Variants in CATSPERE observed in about 807,000 individuals in gnomAD.
CATSPERE encodes the protein catsper channel auxiliary subunit epsilon.
CATSPERE carries 93 observed loss-of-function variants against 114.1 expected under a neutral mutation model. The ratio of observed to expected loss-of-function variants is 0.81; its 90% confidence interval spans 0.69 to 0.97. CATSPERE has a LOEUF of 0.97. Ranked by LOEUF, CATSPERE falls within the 50% of genes least tolerant of loss-of-function variation. The pLI, the probability that CATSPERE is intolerant of heterozygous loss-of-function variation, is 0.00. For missense variants in CATSPERE, 1,058 were observed against 1,131.6 expected (o/e 0.93, Z 0.93); for synonymous variants, 341 against 384.1 (o/e 0.89, Z 1.31).
chr1:244,598,518 C>G, intron 17 of CATSPERE: 1 of 200,408 alleles, frequency 5.0e-6, no homozygotes, highest in Non-Finnish European at 1.1e-5. Flanking sequence ...GTAGATGATG[C>G]ATTTGTTCTT....
chr1:244,489,803 C>T (rs1329525505), intron 5 of CATSPERE, among the ~76,000 whole-genome samples: 1 of 151,702 alleles, frequency 6.6e-6, no homozygotes, highest in Non-Finnish European at 1.5e-5. Flanking sequence ...TAAGATTAGC[C>T]TTTGGAATTC....
At chr1:244,495,567 A>G (rs1021260150) in intron 6 of CATSPERE, among the ~76,000 whole-genome samples, 2 of 152,110 alleles carry the variant, frequency 1.3e-5, no homozygotes, top group Admixed American at 1.3e-4. Flanking sequence ...CTAAAGATAC[A>G]AAAATTATTT....
intron 20 of CATSPERE, among the ~76,000 whole-genome samples, chr1:244,621,973 C>T (rs1237177642): frequency 2.0e-5 from 3 of 152,196 alleles, no homozygotes; most frequent in Non-Finnish European, 4.4e-5. Context: ...GTGTCATTAA[C>T]CGTAAATAAT....
At chr1:244,516,009 C>T (rs1676547323) in intron 7 of CATSPERE, among the ~76,000 whole-genome samples, 1 of 151,582 alleles carries the variant, frequency 6.6e-6, no homozygotes, top group African/African-American at 2.4e-5. Flanking sequence ...GTCTGGGCAA[C>T]ATAGCAAAAC....
At chr1:244,483,377 A>G (rs532922650) in intron 5 of CATSPERE, among the ~76,000 whole-genome samples, 40 of 152,350 alleles carry the variant, frequency 2.6e-4, no homozygotes, top group African/African-American at 9.6e-4. Flanking sequence ...TAGGATGTGC[A>G]TTTGTTCAAC....
intron 8 of CATSPERE, 30 bp from the exon 9 acceptor site, chr1:244,552,292 C>T (rs1381814108): frequency 1.9e-6 from 3 of 1,562,034 alleles, no homozygotes; most frequent in South Asian, 1.3e-5. Flanking sequence ...AGAGAGAGAT[C>T]ATTTTATTCT....
intron 20 of CATSPERE, among the ~76,000 whole-genome samples, chr1:244,621,049 TAAATATATATAAATATA>T (rs1672064756): frequency 3.0e-5 from 2 of 65,862 alleles, no homozygotes; most frequent in Non-Finnish European, 5.1e-5. Flanking sequence ...AATATATATA[TAAATATATATAAATATA>T]TATAAAATAT....
At chr1:244,631,167 A>G (rs931795999) in intron 20 of CATSPERE, among the ~76,000 whole-genome samples, 6 of 152,174 alleles carry the variant, frequency 3.9e-5, no homozygotes, top group Non-Finnish European at 7.3e-5. Flanking sequence ...ACACCTCAGT[A>G]AAAGTAATAT....
At chr1:244,635,627 G>C in intron 21 of CATSPERE, 85 bp downstream of exon 21, 1 of 998,896 alleles carries the variant, frequency 1.0e-6, no homozygotes, top group East Asian at 2.5e-5. Context: ...CCTCTCCCCC[G>C]TGTCTCCCAG....
chr1:244,615,912 G>C (rs1039244463), intron 19 of CATSPERE, among the ~76,000 whole-genome samples: 1 of 136,572 alleles, frequency 7.3e-6, no homozygotes, highest in African/African-American at 2.8e-5. Flanking sequence ...CCAGAAGTTC[G>C]ACAGAAATCT....
intron 9 of CATSPERE, among the ~76,000 whole-genome samples, chr1:244,553,650 T>C (rs868140215): frequency 0.14 from 15,775 of 116,822 alleles, 1,670 homozygotes; most frequent in African/African-American, 0.29. Context: ...CACACATACA[T>C]ATATATATAG....
chr1:244,588,498 T>C lies in CATSPERE; in HGVS notation c.2102T>C (p.Val701Ala), dbSNP rs772270041. The part of the protein sequence containing the change: ...PIAQKVFQIA[V>A]GCDDKKFIAI... ...TCATTTTAGGTGTTCCAAATAGCTG[T>C]TGGCTGTGATGATAAAAAATTCATT... The change falls in exon 14 of 22, where the codon GTT (valine) becomes GCT (alanine). Residue 701 changes from valine to alanine, a missense_variant. By Grantham distance (64) the Val-to-Ala change is moderately conservative (BLOSUM62 0). Coordinates refer to ENST00000366534, the MANE Select transcript of CATSPERE (RefSeq NM_001130957.2). 1.9e-6 allele frequency: 3 copies of C among 1,612,004 alleles called. No homozygotes were observed. The highest frequency in any genetic ancestry group is 2.5e-6 in the Non-Finnish European group (3 of 1,178,172).
chr1:244,486,260 C>CCCTTAGACAA (rs1670999585), intron 5 of CATSPERE, among the ~76,000 whole-genome samples: 1 of 152,244 alleles, frequency 6.6e-6, no homozygotes, highest in African/African-American at 2.4e-5. Flanking sequence ...AAGGAGTACT[C>CCCTTAGACAA]GTGGGCCAAG....
At chr1:244,505,689 A>G (rs1674708596) in intron 7 of CATSPERE, among the ~76,000 whole-genome samples, 1 of 152,126 alleles carries the variant, frequency 6.6e-6, no homozygotes, top group Admixed American at 6.6e-5. Context: ...TCCTAACAAC[A>G]TACCATAGAC....
In CATSPERE at chr1:244,548,296, C is replaced by T. The variant is rs561719949; in HGVS notation, c.537-4026C>T. ...CATGGTAGCAGAAATTGAGGTTATT[C>T]ATGGGCTCAGCAACATGGACTTCCA... On this transcript the variant is annotated intron_variant, in intron 8 of 21. Coordinates refer to ENST00000366534, the MANE Select transcript of CATSPERE (RefSeq NM_001130957.2). 7.9e-5 allele frequency among the ~76,000 whole-genome samples: 12 copies of T among 152,302 alleles called. No homozygotes were observed. In the South Asian group the frequency reaches 2.3e-3, roughly 29 times the overall value.
intron 14 of CATSPERE, among the ~76,000 whole-genome samples, chr1:244,589,193 A>T (rs1251222892): frequency 6.6e-6 from 1 of 152,196 alleles, no homozygotes; most frequent in Non-Finnish European, 1.5e-5. Flanking sequence ...CAGAGACAGA[A>T]ATTTATTGTG....
At chr1:244,455,351 A>C (rs1666047135) in intron 1 of CATSPERE, among the ~76,000 whole-genome samples, 1 of 152,148 alleles carries the variant, frequency 6.6e-6, no homozygotes, top group African/African-American at 2.4e-5. Context: ...TAGAAAAAAA[A>C]ACTGCTTACC....
chr1:244,574,452 A>C (rs1384783455), intron 11 of CATSPERE, among the ~76,000 whole-genome samples: 1 of 152,198 alleles, frequency 6.6e-6, no homozygotes, highest in Non-Finnish European at 1.5e-5. Context: ...CTTATGATTT[A>C]TTCTTTAACA....
chr1:244,465,786 A>C (rs375783940), intron 2 of CATSPERE, among the ~76,000 whole-genome samples: 12 of 152,216 alleles, frequency 7.9e-5, no homozygotes, highest in Non-Finnish European at 1.8e-4. Context: ...TTGGGATTGC[A>C]CTTGGGGAGA....
Sources: allele counts gnomAD v4.1 joint callset (sites outside exome capture counted in the v4.1 genomes callset), GRCh38; gene constraint gnomAD v4.1.1; transcripts MANE v1.5; gene names NCBI Gene and HGNC (gene_info 2026-07-23, HGNC 2026-07-21).